SCUBE1: variants seen among roughly 807,000 people sequenced by gnomAD.
SCUBE1 encodes signal peptide, CUB and EGF-like domain-containing protein 1.
A neutral mutation model predicts 124.4 loss-of-function variants in SCUBE1; 59 were observed. That is an observed-to-expected ratio of 0.47 (90% confidence interval 0.38 to 0.59). SCUBE1 has a LOEUF of 0.59. SCUBE1 is among the 20% of genes least tolerant of loss of function. The pLI is 0.00. For missense variants in SCUBE1, 1,150 were observed against 1,371.2 expected, an observed-to-expected ratio of 0.84 and a Z score of 2.55; for synonymous variants, 545 against 550.9, an observed-to-expected ratio of 0.99 and a Z score of 0.15.
chr22:43,204,981 G>T (rs567790144), intron 21 of SCUBE1, among the ~76,000 whole-genome samples: 53 of 150,236 alleles, frequency 3.5e-4, no homozygotes, highest in African/African-American at 1.2e-3. Context: ...AAAGGGTCCC[G>T]CTGCAAAATG....
At chr22:43,285,957 G>C (rs1016814996) in intron 4 of SCUBE1, among the ~76,000 whole-genome samples, 7 of 152,328 alleles carry the variant, frequency 4.6e-5, no homozygotes, top group South Asian at 2.1e-4. Flanking sequence ...GGACAAAGCT[G>C]GCCTCTTGAT....
rs59293430 is a variant in SCUBE1 at position 43,274,385 on chromosome 22, C to G, written c.485-11540G>C. On this transcript the variant is annotated intron_variant, in intron 4 of 21. Coordinates refer to ENST00000360835, the MANE Select transcript of SCUBE1 (RefSeq NM_173050.5). Reference sequence around the variant, plus strand: ...TCTGAAATCCCAGTTTAAATGGGCACTCTGTATTTTATCTGGCAACCCTGC... The same window carrying G: ...TCTGAAATCCCAGTTTAAATGGGCAGTCTGTATTTTATCTGGCAACCCTGC... Among the ~76,000 whole-genome samples the G allele has an allele frequency of 6.1e-3, 927 of 152,146 alleles. 14 individuals carry two copies. Among genetic ancestry groups the G allele is most frequent in the African/African-American group, 0.021 (880 of 41,478 alleles).
At chr22:43,285,959 C>T (rs962527862) in intron 4 of SCUBE1, among the ~76,000 whole-genome samples, 1 of 152,220 alleles carries the variant, frequency 6.6e-6, no homozygotes, top group Non-Finnish European at 1.5e-5. Context: ...ACAAAGCTGG[C>T]CTCTTGATCC....
intron 2 of SCUBE1, among the ~76,000 whole-genome samples, chr22:43,329,532 G>C (rs866512522): frequency 1.3e-5 from 2 of 152,266 alleles, no homozygotes; most frequent in African/African-American, 4.8e-5. Flanking sequence ...CCCTCTGTAC[G>C]AGAGGCAGGA....
At position 43,200,388 on chromosome 22, in the gene SCUBE1, T is replaced by C. The variant is rs73163938; in HGVS notation, c.*3609A>G. On this transcript the variant is annotated 3_prime_UTR_variant, in exon 22 of 22. Transcript: ENST00000360835. ...GACTCTCTGCCCCCAGCTTCCATTTTTTCTTGGGCCTCGTTACGTGGATCC... is the reference window on the plus strand; with the variant it reads ...GACTCTCTGCCCCCAGCTTCCATTTCTTCTTGGGCCTCGTTACGTGGATCC... 0.033 allele frequency: 5,052 copies of C among 152,442 alleles called. 118 individuals carry two copies. Among genetic ancestry groups the C allele is most frequent in the Non-Finnish European group, 0.052 (3,512 of 68,086 alleles). The allele number at this position is 152,442 out of a possible 1,614,324, so 9.4% of individuals were successfully genotyped here. A position where few individuals can be genotyped will look rare whatever the true frequency, so the allele number is the denominator to read the frequency against.
intron 2 of SCUBE1, among the ~76,000 whole-genome samples, chr22:43,322,628 C>T (rs1356372090): frequency 6.6e-6 from 1 of 152,172 alleles, no homozygotes; most frequent in Non-Finnish European, 1.5e-5. Flanking sequence ...ACTCAGCAGC[C>T]CCCAAACTGT....
chr22:43,305,253 A>G (rs1284769820), intron 3 of SCUBE1, among the ~76,000 whole-genome samples: 1 of 152,160 alleles, frequency 6.6e-6, no homozygotes, highest in Non-Finnish European at 1.5e-5. Flanking sequence ...CGCTTGCTCT[A>G]TTGGAGGGGT....
intron 6 of SCUBE1, among the ~76,000 whole-genome samples, chr22:43,244,595 C>T (rs1425830619): frequency 2.0e-5 from 3 of 152,232 alleles, no homozygotes; most frequent in African/African-American, 7.2e-5. Context: ...TGTGGTGCTG[C>T]GCTGTGCAGG....
intron 4 of SCUBE1, among the ~76,000 whole-genome samples, chr22:43,271,849 C>G (rs1042003650): frequency 5.3e-5 from 8 of 152,312 alleles, no homozygotes; most frequent in African/African-American, 1.9e-4. Context: ...CCACAGTGGG[C>G]TCTTTGCAAA....
At chr22:43,214,702 A>G (rs1414948267) in intron 15 of SCUBE1, among the ~76,000 whole-genome samples, 1 of 152,046 alleles carries the variant, frequency 6.6e-6, no homozygotes, top group East Asian at 1.9e-4. Context: ...GGGCTCAAAT[A>G]GGCAAGGGCA....
chr22:43,286,811 A>G (rs1312808067), intron 4 of SCUBE1, among the ~76,000 whole-genome samples: 1 of 152,210 alleles, frequency 6.6e-6, no homozygotes, highest in Non-Finnish European at 1.5e-5. Context: ...GGTAAATACA[A>G]GTGACCTGCA....
At chr22:43,219,543 A>G (rs781721443) in intron 14 of SCUBE1, among the ~76,000 whole-genome samples, 49 of 149,948 alleles carry the variant, frequency 3.3e-4, no homozygotes, top group Non-Finnish European at 6.0e-4. Context: ...GCGCGATCTC[A>G]GCTCACTGCA....
intron 2 of SCUBE1, among the ~76,000 whole-genome samples, chr22:43,335,796 ATGATGG>A (rs1927047938): frequency 7.0e-6 from 1 of 143,854 alleles, no homozygotes; most frequent in Non-Finnish European, 1.5e-5. Context: ...GATGGTGATG[ATGATGG>A]TGATGATGAT....
At chr22:43,331,267 C>G (rs967901380) in intron 2 of SCUBE1, among the ~76,000 whole-genome samples, 1 of 152,140 alleles carries the variant, frequency 6.6e-6, no homozygotes, top group African/African-American at 2.4e-5. Flanking sequence ...TCATTACATA[C>G]ATGCTAATTT....
chr22:43,281,623 C>T (rs950947536), intron 4 of SCUBE1, among the ~76,000 whole-genome samples: 1 of 150,862 alleles, frequency 6.6e-6, no homozygotes, highest in Non-Finnish European at 1.5e-5. Flanking sequence ...CCTCAGCAAC[C>T]CTGTCACCTC....
At position 43,198,399 on chromosome 22, in the gene SCUBE1, C is replaced by A; in HGVS notation, c.*5598G>T. 1 of 379,262 alleles carries A rather than the reference C, an allele frequency of 2.6e-6. No homozygotes were observed. Among genetic ancestry groups the A allele is most frequent in the Non-Finnish European group, 5.3e-6 (1 of 188,822 alleles). The allele number at this position is 379,262 out of a possible 1,614,324, so 23.5% of individuals were successfully genotyped here. ...GTCTGGGCTTCAAGGATGCTTTGCCCACACCTGATGTCCTTTCCAAGAGCA... is the reference window on the plus strand; with the variant it reads ...GTCTGGGCTTCAAGGATGCTTTGCCAACACCTGATGTCCTTTCCAAGAGCA... On this transcript the variant is annotated 3_prime_UTR_variant, in exon 22 of 22. Coordinates refer to ENST00000360835, the MANE Select transcript of SCUBE1 (RefSeq NM_173050.5).
rs533167469 is a variant in SCUBE1, at chr22:43,203,362, A to ATATATATATATT, written c.*623_*634dup. 4.3e-4 allele frequency: 64 copies of ATATATATATATT among 148,120 alleles called. No individual in the cohort carries two copies. The highest frequency in any genetic ancestry group is 8.0e-4 in the Non-Finnish European group (54 of 67,160). 9.2% of individuals were successfully genotyped at this position (148,120 alleles called of 1,614,324 possible). A position where few individuals can be genotyped will look rare whatever the true frequency, so the allele number is the denominator to read the frequency against. On this transcript the variant is annotated 3_prime_UTR_variant, in exon 22 of 22. Coordinates refer to ENST00000360835, the MANE Select transcript of SCUBE1 (RefSeq NM_173050.5). ...TCCTAAAGTACCCACAAATAGAAGT[A>ATATATATATATT]TATATATATATTTATATATATATTT...
At position 43,208,128 on chromosome 22, in the gene SCUBE1, T is replaced by G. The variant is rs1295312414; in HGVS notation, c.2678A>C (p.Lys893Thr). ...TTTGCCGCTGTTGCCTTCATTGGAT[T>G]TGAACTGGATCCAGAGCTTGCGGGA... The part of the protein sequence containing the change: ...SRSRKLWIQF[K>T]SNEGNSGKGF... Residue 893 changes from lysine to threonine, a missense_variant, in exon 20 of 22, where the codon AAA (lysine) becomes ACA (threonine). Physicochemically the swap from Lys to Thr is moderately conservative, Grantham distance 78. Coordinates refer to ENST00000360835, the MANE Select transcript of SCUBE1 (RefSeq NM_173050.5). 1.2e-5 allele frequency: 19 copies of G among 1,614,110 alleles called. No individual in the cohort carries two copies. The highest frequency in any genetic ancestry group is 1.6e-5 in the Non-Finnish European group (19 of 1,180,004).
Position 43,280,282 on chromosome 22 carries a change from C to T in SCUBE1, c.484+10764G>A, listed in dbSNP as rs570194929. On this transcript the variant is annotated intron_variant, in intron 4 of 21. Transcript: ENST00000360835. ...CCAGAGCCACCGAAACTTAAATATT[C>T]CCCACCTATGTGACGCGGGTAACAG... 3.9e-5 allele frequency among the ~76,000 whole-genome samples: 6 copies of T among 152,164 alleles called. No individual in the cohort carries two copies. In the South Asian group the frequency reaches 1.2e-3, roughly 32 times the overall value.
Sources: allele counts gnomAD v4.1 joint callset (sites outside exome capture counted in the v4.1 genomes callset), GRCh38; gene constraint gnomAD v4.1.1; transcripts MANE v1.5; gene names NCBI Gene and HGNC (gene_info 2026-07-23, HGNC 2026-07-21).